Variants in STX4 observed in about 807,000 individuals in gnomAD.
STX4 encodes syntaxin-4.
Under a neutral mutation model 41.8 loss-of-function variants are expected in STX4, and 24 were observed. The observed-to-expected ratio is 0.57, with a 90% CI of 0.42 to 0.81. The LOEUF is 0.81. Among genes scored for constraint, STX4 ranks in the 30% least tolerant of loss-of-function variants. The pLI is 0.00. For synonymous variants in STX4, 158 were observed against 156.4 expected (o/e 1.01, Z -0.08); for missense variants, 316 against 389.9 (o/e 0.81, Z 1.60).
At chr16:31,036,116 C>G (rs1472229933) in intron 5 of STX4, among the ~76,000 whole-genome samples, 1 of 152,036 alleles carries the variant, frequency 6.6e-6, no homozygotes, top group Non-Finnish European at 1.5e-5. Context: ...TTGCAGTGAT[C>G]TGACTGGCCC....
chr16:31,038,913 C>T (rs2056823515), intron 8 of STX4, among the ~76,000 whole-genome samples: 1 of 152,142 alleles, frequency 6.6e-6, no homozygotes, highest in African/African-American at 2.4e-5. Context: ...CCTCACTCCC[C>T]CTCCACTAAC....
rs2056817658 is a variant in STX4, at chr16:31,038,175, G to A, written c.549G>A (p.Glu183=). Residue 183 remains glutamate, a synonymous_variant, in exon 7 of 11, where the codon GAG becomes GAA. Transcript: ENST00000313843. ...LEQMLDSGQS[E]VFVSNILKDT... ...AGATGCTGGACAGTGGGCAAAGCGA[G>A]GTGTTTGTGTCCAATGTGAGTGGCC... 4 of 1,614,098 alleles carry A rather than the reference G, an allele frequency of 2.5e-6. No individual in the cohort carries two copies. In the African/African-American group the frequency reaches 4.0e-5, roughly 16 times the overall value.
chr16:31,038,396 C>A, intron 7 of STX4, 114 bp from the exon 8 acceptor site: 1 of 1,469,534 alleles, frequency 6.8e-7, no homozygotes, highest in Non-Finnish European at 9.4e-7. Context: ...AATTAGCCTG[C>A]CTGGAGTCAC....
rs756599164 is a variant in STX4, at chr16:31,033,617, G to C, written c.-189G>C. ...GGGAATTCCAACCTGTGGAACCTTG[G>C]GGGGTCCCCGGGGTCGGCGCCTTCC... On this transcript the variant is annotated 5_prime_UTR_variant, in exon 1 of 11. Coordinates refer to ENST00000313843, the MANE Select transcript of STX4 (RefSeq NM_004604.5). The surrounding 1 kb of genome is among the most constrained non-coding windows in gnomAD (Gnocchi z 5.5). 10 of 1,485,812 alleles carry C rather than the reference G, an allele frequency of 6.7e-6. No individual in the cohort carries two copies. The highest frequency in any genetic ancestry group is 4.0e-5 in the South Asian group (3 of 74,802). The allele number at this position is 1,485,812 out of a possible 1,614,324, so 92.0% of individuals were successfully genotyped here. A position where few individuals can be genotyped will look rare whatever the true frequency, so the allele number is the denominator to read the frequency against.
At chr16:31,034,713 C>A (rs1401247941) in intron 4 of STX4, 177 bp downstream of exon 4, 3 of 737,348 alleles carry the variant, frequency 4.1e-6, no homozygotes, top group African/African-American at 3.6e-5. Flanking sequence ...ACAAGTCCGC[C>A]TCTCAGGTTC....
chr16:31,038,536 A>T lies in STX4; in HGVS notation c.591A>T (p.Arg197=), dbSNP rs1745245711. 2 of 1,613,986 alleles carry T rather than the reference A, an allele frequency of 1.2e-6. No homozygotes were observed. The highest frequency in any genetic ancestry group is 1.3e-5 in the African/African-American group (1 of 74,890). Residue 197 remains arginine, a synonymous_variant, in exon 8 of 11, where the codon CGA becomes CGT. Transcript: ENST00000313843. The stretch of plus-strand genomic sequence containing the variant: ...TCCTGAAGGACACGCAGGTGACTCG[A>T]CAGGCCTTAAATGAGATCTCGGCCC... ...SNILKDTQVT[R]QALNEISARH...
At chr16:31,034,424 G>A (rs760616998) in intron 3 of STX4, 38 bp from the exon 4 acceptor site, 1 of 1,600,548 alleles carries the variant, frequency 6.2e-7, no homozygotes, top group East Asian at 2.2e-5. Context: ...GTTGAGGTGG[G>A]GGCTGCTGTT....
At chr16:31,037,067 T>TCCCC in intron 5 of STX4, among the ~76,000 whole-genome samples, 1 of 121,844 alleles carries the variant, frequency 8.2e-6, no homozygotes, top group Non-Finnish European at 1.8e-5. Context: ...CCCCCCCCTT[T>TCCCC]TTTTTTTTTC....
At chr16:31,036,206 T>C (rs1031888837) in intron 5 of STX4, among the ~76,000 whole-genome samples, 1 of 151,730 alleles carries the variant, frequency 6.6e-6, no homozygotes, top group Admixed American at 6.6e-5. Flanking sequence ...GGACCCCAGA[T>C]TGAAGATGGA....
Position 31,034,322 on chromosome 16 carries a change from G to C in STX4, c.229G>C (p.Glu77Gln). 2 of 1,614,164 alleles carry C rather than the reference G, an allele frequency of 1.2e-6. No homozygotes were observed. The highest frequency in any genetic ancestry group is 1.7e-6 in the Non-Finnish European group (2 of 1,180,020). ...VTILATPLPE[E>Q]SMKQELQNLR... ...CATCCTGGCCACGCCCCTTCCCGAG[G>C]AGAGTGAGTGAAACCCCGGCTGCAG... The change falls in exon 3 of 11, where the codon GAG becomes CAG. Residue 77 changes from glutamate to glutamine, a missense_variant. By Grantham distance (29) the Glu-to-Gln change is conservative. Transcript: ENST00000313843.
At chr16:31,037,298 A>G in intron 5 of STX4, among the ~76,000 whole-genome samples, 1 of 150,314 alleles carries the variant, frequency 6.7e-6, no homozygotes, top group East Asian at 2.1e-4. Context: ...TCCTGACCTC[A>G]GGTGATCCAC....
At chr16:31,037,890 T>C in intron 5 of STX4, 36 bp from the exon 6 acceptor site, 5 of 1,612,042 alleles carry the variant, frequency 3.1e-6, no homozygotes, top group Non-Finnish European at 4.2e-6. Flanking sequence ...GCAGGGATCC[T>C]CCCAGGGGCA....
At chr16:31,034,156 G>C (rs2056779792) in intron 2 of STX4, 42 bp downstream of exon 2, 1 of 1,611,986 alleles carries the variant, frequency 6.2e-7, no homozygotes, top group Middle Eastern at 1.7e-4. Context: ...GAGGGTGTAG[G>C]AGGACCCGAG....
chr16:31,038,419 A>G (rs2056819462), intron 7 of STX4, 91 bp from the exon 8 acceptor site: 1 of 1,559,206 alleles, frequency 6.4e-7, no homozygotes, highest in Non-Finnish European at 8.8e-7. Context: ...ATCAGATTCC[A>G]GGCTGAGGGC....
intron 4 of STX4, 28 bp from the exon 5 acceptor site, chr16:31,034,942 C>T (rs1297751769): frequency 2.0e-6 from 3 of 1,538,452 alleles, no homozygotes; most frequent in Admixed American, 2.3e-5. Context: ...GAGACAAGTA[C>T]CCCCAATACC....
At position 31,034,291 on chromosome 16, in the gene STX4, G is replaced by A. The variant is rs899010047; in HGVS notation, c.198G>A (p.Gln66=). 6.2e-6 allele frequency: 10 copies of A among 1,614,094 alleles called. No individual in the cohort carries two copies. The Admixed American group carries it at 6.7e-5, about 11-fold the overall frequency. ...GNKVQELEKQ[Q]VTILATPLPE... is the part of the protein sequence containing the mutation. ...AAGTCCAGGAGTTGGAGAAACAGCA[G>A]GTCACCATCCTGGCCACGCCCCTTC... The change falls in exon 3 of 11, where the codon CAG becomes CAA. Residue 66 remains glutamine, a synonymous_variant. Coordinates refer to ENST00000313843, the MANE Select transcript of STX4 (RefSeq NM_004604.5).
At chr16:31,038,796 AC>A in intron 8 of STX4, 149 bp downstream of exon 8, 1 of 1,076,454 alleles carries the variant, frequency 9.3e-7, no homozygotes, top group Non-Finnish European at 1.3e-6. Flanking sequence ...CCTTAGCTGT[AC>A]CCCGAGAATG....
At position 31,038,913 on chromosome 16, in the gene STX4, C is replaced by G. The variant is rs2056823515; in HGVS notation, c.702+266C>G. 1.3e-5 allele frequency among the ~76,000 whole-genome samples: 2 copies of G among 152,260 alleles called. 1 individual carries two copies. The highest frequency in any genetic ancestry group is 6.8e-3 in the Middle Eastern group (2 of 294). On this transcript the variant is annotated intron_variant, in intron 8 of 10. Transcript: ENST00000313843. ...AGGTCTGGCCCCAGCCCTCACTCCC[C>G]CTCCACTAACAGCATCCACCCTTAT... is the stretch of plus-strand genomic sequence containing the variant.
Position 31,039,441 on chromosome 16 carries a change from A to T in STX4, c.703-100A>T. ...ATCAAGTCTTGCCCTTGTCTTTGTTAGTGCAATTTTTTTTTCCTGCCAGGA... is the reference window on the plus strand; with the variant it reads ...ATCAAGTCTTGCCCTTGTCTTTGTTTGTGCAATTTTTTTTTCCTGCCAGGA... On this transcript the variant is annotated intron_variant, in intron 8 of 10. Transcript: ENST00000313843. This position sits in a 1 kb window ranked among gnomAD's most constrained non-coding sequence, Gnocchi z 4.1. 1 of 1,214,142 alleles carries T rather than the reference A, an allele frequency of 8.2e-7. No individual in the cohort carries two copies. The highest frequency in any genetic ancestry group is 1.5e-5 in the African/African-American group (1 of 66,636). The allele number at this position is 1,214,142 out of a possible 1,614,324, so 75.2% of individuals were successfully genotyped here.
Sources: allele counts gnomAD v4.1 joint callset (sites outside exome capture counted in the v4.1 genomes callset), GRCh38; gene constraint gnomAD v4.1.1; non-coding constraint Gnocchi (gnomAD v3.1); transcripts MANE v1.5; gene names NCBI Gene and HGNC (gene_info 2026-07-23, HGNC 2026-07-21).